DPYSL5: variants seen among roughly 807,000 people sequenced by gnomAD.
The protein encoded by DPYSL5 is dihydropyrimidinase-related protein 5.
Under a neutral mutation model 58.4 loss-of-function variants are expected in DPYSL5, and 9 were observed. The ratio of observed to expected loss-of-function variants is 0.15; its 90% CI spans 0.09 to 0.27. The LOEUF is 0.27. Among genes scored for constraint, DPYSL5 ranks in the 10% least tolerant of loss-of-function variants. DPYSL5 has a pLI of 1.00. For missense variants in DPYSL5, 499 were observed against 770.6 expected (o/e 0.65, Z 4.17); for synonymous variants, 293 against 301.9 (o/e 0.97, Z 0.31).
intron 1 of DPYSL5, among the ~76,000 whole-genome samples, chr2:26,858,476 T>C (rs1665933956): frequency 6.6e-6 from 1 of 152,256 alleles, no homozygotes; most frequent in Non-Finnish European, 1.5e-5. Context: ...CAGCCCAGAC[T>C]TAACATTTCT....
rs1664799242 is a variant in DPYSL5 at position 26,925,192 on chromosome 2, G to A, written c.420+147G>A. The A allele has an allele frequency of 2.7e-6, 3 of 1,121,886 alleles. No individual in the cohort carries two copies. The highest frequency in any genetic ancestry group is 3.7e-6 in the Non-Finnish European group (3 of 808,964). The allele number at this position is 1,121,886 out of a possible 1,614,324, so 69.5% of individuals were successfully genotyped here. The stretch of plus-strand genomic sequence containing the variant: ...ACAATGCCAAAAGAAAACACACTTG[G>A]GATTCCATAAGGGGAGCGGATGGGC... On this transcript the variant is annotated intron_variant, in intron 3 of 12. Transcript: ENST00000288699. This position sits in a 1 kb window ranked among gnomAD's most constrained non-coding sequence, Gnocchi z 4.5.
Position 26,898,355 on chromosome 2 carries a change from C to T in DPYSL5, c.-4-141C>T. ...TGGGAAGCCAGTGGGAGGCTTGTGA[C>T]TCCCGCTGGCTGTAGGGGAAAGTTC... On this transcript the variant is annotated intron_variant, in intron 1 of 12. Transcript: ENST00000288699. This position sits in a 1 kb window ranked among gnomAD's most constrained non-coding sequence, Gnocchi z 6.1. The T allele has an allele frequency of 8.4e-7, 1 of 1,188,122 alleles. No homozygotes were observed. Among genetic ancestry groups the T allele is most frequent in the Non-Finnish European group, 1.2e-6 (1 of 838,260 alleles). The allele number at this position is 1,188,122 out of a possible 1,614,324, so 73.6% of individuals were successfully genotyped here.
intron 5 of DPYSL5, among the ~76,000 whole-genome samples, chr2:26,928,687 G>GTGTATATATATATATATA (rs143828804): frequency 0.013 from 762 of 60,348 alleles, 136 homozygotes; most frequent in Middle Eastern, 0.038. Flanking sequence ...AGGTGATAGA[G>GTGTATATATATATATATA]TATATATATA....
intron 1 of DPYSL5, among the ~76,000 whole-genome samples, chr2:26,888,227 TTCTTTCTTTC>T (rs1663773389): frequency 7.6e-6 from 1 of 131,148 alleles, no homozygotes; most frequent in African/African-American, 3.2e-5. Flanking sequence ...CTTTCTTTCT[TTCTTTCTTTC>T]TTTCTTTCTT....
intron 8 of DPYSL5, chr2:26,938,886 C>T (rs1410686671): frequency 1.3e-5 from 2 of 152,268 alleles, no homozygotes; most frequent in African/African-American, 4.8e-5. Flanking sequence ...TTCTCTGGCC[C>T]CGCAAAGCCA....
chr2:26,879,460 GAAAAAA>G (rs748100269), intron 1 of DPYSL5, among the ~76,000 whole-genome samples: 25 of 74,412 alleles, frequency 3.4e-4, no homozygotes, highest in Non-Finnish European at 5.8e-4. Flanking sequence ...ATCTCTATTT[GAAAAAA>G]AAAAAAAAAA....
Position 26,848,732 on chromosome 2 carries a change from C to T in DPYSL5, c.-5+478C>T, listed in dbSNP as rs367669029. ...CCAGATACACACCCTCCGTCCTTCT[C>T]GCCTCCGAGCTGGGATCTGCCCAGC... On this transcript the variant is annotated intron_variant, in intron 1 of 12. Coordinates refer to ENST00000288699, the MANE Select transcript of DPYSL5 (RefSeq NM_020134.4). 7.2e-5 allele frequency among the ~76,000 whole-genome samples: 11 copies of T among 152,330 alleles called. No homozygotes were observed. The East Asian group carries it at 9.7e-4, about 13-fold the overall frequency.
chr2:26,932,185 A>AAGAAAGAAAGAAAGAAAGAAAGAAAGAC (rs1665037590), intron 6 of DPYSL5, among the ~76,000 whole-genome samples: 10 of 70,374 alleles, frequency 1.4e-4, no homozygotes, highest in Admixed American at 7.5e-4. Context: ...GAAAGAAAGA[A>AAGAAAGAAAGAAAGAAAGAAAGAAAGAC]AGAAAGAAAG....
chr2:26,914,613 G>A (rs1664519796), intron 2 of DPYSL5, among the ~76,000 whole-genome samples: 1 of 152,188 alleles, frequency 6.6e-6, no homozygotes, highest in Non-Finnish European at 1.5e-5. Context: ...AAGGGAGGAG[G>A]GGAAGCAGGG....
At chr2:26,891,503 G>A (rs534735262) in intron 1 of DPYSL5, among the ~76,000 whole-genome samples, 11 of 152,120 alleles carry the variant, frequency 7.2e-5, no homozygotes, top group South Asian at 4.2e-4. Flanking sequence ...AAAATAGGCC[G>A]AGGTGGTGGC....
chr2:26,939,969 C>T, intron 8 of DPYSL5, 62 bp from the exon 9 acceptor site: 1 of 1,604,696 alleles, frequency 6.2e-7, no homozygotes, highest in Non-Finnish European at 8.5e-7. Flanking sequence ...CTATATCTAT[C>T]CTCACCCTCT....
At chr2:26,895,512 T>G (rs954662172) in intron 1 of DPYSL5, among the ~76,000 whole-genome samples, 3 of 152,216 alleles carry the variant, frequency 2.0e-5, no homozygotes, top group Non-Finnish European at 4.4e-5. Context: ...TTGAAGCACA[T>G]ACGCATTGTG....
At chr2:26,854,357 G>T (rs1665826020) in intron 1 of DPYSL5, among the ~76,000 whole-genome samples, 1 of 152,184 alleles carries the variant, frequency 6.6e-6, no homozygotes, top group African/African-American at 2.4e-5. Context: ...TACTCAGGAG[G>T]CTGAAGCACA....
At chr2:26,926,781 A>C (rs1364645177) in intron 3 of DPYSL5, among the ~76,000 whole-genome samples, 1 of 152,226 alleles carries the variant, frequency 6.6e-6, no homozygotes, top group African/African-American at 2.4e-5. Context: ...CCTAGTACAA[A>C]TAATGTTAGG....
intron 1 of DPYSL5, among the ~76,000 whole-genome samples, chr2:26,858,309 C>A (rs538285374): frequency 6.6e-6 from 1 of 151,636 alleles, no homozygotes; most frequent in Admixed American, 6.6e-5. Flanking sequence ...GTAGCTGGGA[C>A]TACAGGCACG....
chr2:26,939,621 A>G (rs1665265442), intron 8 of DPYSL5: 1 of 179,366 alleles, frequency 5.6e-6, no homozygotes, highest in South Asian at 1.3e-4. Flanking sequence ...ACAAAGCTTA[A>G]CACTGAACTT....
chr2:26,915,660 C>T (rs1025276474), intron 2 of DPYSL5, among the ~76,000 whole-genome samples: 5 of 152,134 alleles, frequency 3.3e-5, no homozygotes, highest in African/African-American at 9.7e-5. Flanking sequence ...GTTGACTCTG[C>T]GGTGCATTTT....
chr2:26,925,538 G>A lies in DPYSL5; in HGVS notation c.420+493G>A, dbSNP rs1266434524. Among the ~76,000 whole-genome samples, 1 of 152,156 alleles carries A rather than the reference G, an allele frequency of 6.6e-6. No homozygotes were observed. Among genetic ancestry groups the A allele is most frequent in the Non-Finnish European group, 1.5e-5 (1 of 68,014 alleles). ...TGTGGTATGCTTTTTTCCTACTGGG[G>A]GCCCAGCTTCTGCTCTGAGAAGCAT... is the stretch of plus-strand genomic sequence containing the variant. On this transcript the variant is annotated intron_variant, in intron 3 of 12. Coordinates refer to ENST00000288699, the MANE Select transcript of DPYSL5 (RefSeq NM_020134.4). This position sits in a 1 kb window ranked among gnomAD's most constrained non-coding sequence, Gnocchi z 4.5.
chr2:26,861,322 A>ATCAT (rs1666008013), intron 1 of DPYSL5, among the ~76,000 whole-genome samples: 1 of 152,196 alleles, frequency 6.6e-6, no homozygotes, highest in Non-Finnish European at 1.5e-5. Context: ...GAACTGTAGG[A>ATCAT]CACAGAAGAT....
Sources: allele counts gnomAD v4.1 joint callset (sites outside exome capture counted in the v4.1 genomes callset), GRCh38; gene constraint gnomAD v4.1.1; non-coding constraint Gnocchi (gnomAD v3.1); transcripts MANE v1.5; gene names NCBI Gene and HGNC (gene_info 2026-07-23, HGNC 2026-07-21).